FGF10: variants seen among roughly 807,000 people sequenced by gnomAD.
FGF10 encodes the protein FGF-10.
FGF10 carries 2 observed loss-of-function variants against 19.8 expected under a neutral mutation model. The ratio of observed to expected loss-of-function variants is 0.10; its 90% CI spans 0.04 to 0.32. The LOEUF (loss-of-function observed/expected upper bound fraction) is 0.32, where lower values mean the gene tolerates loss of function less well. Among genes scored for constraint, FGF10 ranks in the 10% least tolerant of loss-of-function variants. The probability of loss-of-function intolerance (pLI) is 1.00; values close to 1 mark genes in which losing one functional copy is unlikely to be tolerated. For synonymous variants in FGF10, 112 were observed against 94.0 expected (o/e 1.19, Z -1.10); for missense variants, 191 against 246.3 (o/e 0.78, Z 1.50).
At chr5:44,307,893 T>A (rs933086484) in intron 2 of FGF10, among the ~76,000 whole-genome samples, 1 of 152,246 alleles carries the variant, frequency 6.6e-6, no homozygotes, top group Non-Finnish European at 1.5e-5. Context: ...AGAATGAGTT[T>A]CTTTCTGAGA....
chr5:44,360,749 T>TAATTAATA (rs1319743365), intron 1 of FGF10, among the ~76,000 whole-genome samples: 1 of 151,690 alleles, frequency 6.6e-6, no homozygotes, highest in African/African-American at 2.4e-5. Context: ...TGCAAGGATG[T>TAATTAATA]AATTAATATT....
At chr5:44,331,530 A>G (rs576613081) in intron 1 of FGF10, among the ~76,000 whole-genome samples, 5 of 152,298 alleles carry the variant, frequency 3.3e-5, no homozygotes, top group South Asian at 2.1e-4. Flanking sequence ...CTAAAAAAGC[A>G]TTGACATTTA....
chr5:44,307,765 T>C (rs974968780), intron 2 of FGF10, among the ~76,000 whole-genome samples: 1 of 152,232 alleles, frequency 6.6e-6, no homozygotes, highest in African/African-American at 2.4e-5. Context: ...TTAGTTCTAT[T>C]CCACTCTGAG....
At chr5:44,352,983 T>C (rs1387796215) in intron 1 of FGF10, among the ~76,000 whole-genome samples, 1 of 151,636 alleles carries the variant, frequency 6.6e-6, no homozygotes, top group Non-Finnish European at 1.5e-5. Context: ...AGAAAATGTT[T>C]TGTAATTTAA....
At chr5:44,351,781 T>C (rs1345253572) in intron 1 of FGF10, among the ~76,000 whole-genome samples, 6 of 151,686 alleles carry the variant, frequency 4.0e-5, no homozygotes, top group Non-Finnish European at 1.5e-5. Flanking sequence ...ATGGAGTCAA[T>C]AGTTTATGAT....
intron 1 of FGF10, among the ~76,000 whole-genome samples, chr5:44,372,035 G>A (rs138700346): frequency 9.2e-5 from 14 of 152,198 alleles, no homozygotes; most frequent in African/African-American, 3.1e-4. Flanking sequence ...TTCTAGGGCC[G>A]ATATAACAAA....
At chr5:44,333,918 T>C (rs779019460) in intron 1 of FGF10, among the ~76,000 whole-genome samples, 64 of 152,024 alleles carry the variant, frequency 4.2e-4, no homozygotes, top group Non-Finnish European at 9.1e-4. Flanking sequence ...CTGAGACTTG[T>C]ATCTCTGTTT....
chr5:44,341,540 AT>A (rs1477783663), intron 1 of FGF10, among the ~76,000 whole-genome samples: 2 of 151,956 alleles, frequency 1.3e-5, no homozygotes, highest in Non-Finnish European at 2.9e-5. Context: ...TAGGTAAGTT[AT>A]TTTAGTCTAT....
intron 1 of FGF10, among the ~76,000 whole-genome samples, chr5:44,337,081 A>G (rs1266098246): frequency 6.6e-6 from 1 of 152,186 alleles, no homozygotes; most frequent in Non-Finnish European, 1.5e-5. Flanking sequence ...AACAAATTTT[A>G]ATCCCAAAAA....
At chr5:44,320,092 T>C (rs914235953) in intron 1 of FGF10, among the ~76,000 whole-genome samples, 2 of 152,190 alleles carry the variant, frequency 1.3e-5, no homozygotes, top group Non-Finnish European at 2.9e-5. Flanking sequence ...ATGCTTCTTA[T>C]GACAATCTAA....
rs528474446 is a variant in FGF10 at position 44,349,325 on chromosome 5, TC to T, written c.326-38796del. Among the ~76,000 whole-genome samples, 130 of 148,270 alleles carry T rather than the reference TC, an allele frequency of 8.8e-4. 1 individual carries two copies. In the South Asian group the frequency reaches 0.027, roughly 30 times the overall value. On this transcript the variant is annotated intron_variant, in intron 1 of 2. Transcript: ENST00000264664. ...ATTCATATGGAAAGCAATTTAGCTA[TC>T]TTTTTTTTACCACCACTTTACAAAT...
At chr5:44,344,386 G>C (rs1323651977) in intron 1 of FGF10, among the ~76,000 whole-genome samples, 1 of 151,488 alleles carries the variant, frequency 6.6e-6, no homozygotes. Context: ...TTGTTACTAG[G>C]GTACTATAAA....
chr5:44,335,643 G>A (rs1322121170), intron 1 of FGF10, among the ~76,000 whole-genome samples: 1 of 151,996 alleles, frequency 6.6e-6, no homozygotes, highest in African/African-American at 2.4e-5. Flanking sequence ...AGCTAATTAT[G>A]GAAAACACAT....
intron 1 of FGF10, among the ~76,000 whole-genome samples, chr5:44,355,614 C>T (rs1741328785): frequency 6.6e-6 from 1 of 151,112 alleles, no homozygotes; most frequent in Non-Finnish European, 1.5e-5. Context: ...ATTGTTAGTG[C>T]ACAGAAGGTA....
intron 1 of FGF10, among the ~76,000 whole-genome samples, chr5:44,365,317 T>C (rs1242458022): frequency 6.7e-6 from 1 of 148,946 alleles, no homozygotes; most frequent in African/African-American, 2.5e-5. Context: ...CATGTCTCTT[T>C]TCTGGTGGTC....
intron 1 of FGF10, among the ~76,000 whole-genome samples, chr5:44,322,480 C>A (rs1337636797): frequency 6.6e-6 from 1 of 152,110 alleles, no homozygotes; most frequent in Non-Finnish European, 1.5e-5. Flanking sequence ...ACTCAAAAGA[C>A]CCCAAACTGG....
At position 44,301,873 on chromosome 5, in the gene FGF10, C is replaced by T. The variant is rs997248077; in HGVS notation, c.*3122G>A. Among the ~76,000 whole-genome samples, 1 of 152,080 alleles carries T rather than the reference C, an allele frequency of 6.6e-6. No individual in the cohort carries two copies. The highest frequency in any genetic ancestry group is 6.6e-5 in the Admixed American group (1 of 15,242). The stretch of plus-strand genomic sequence containing the variant: ...CAATATTTTAATTTTCTTTTCCCAA[C>T]ATTTTTATTGTTTTTATTTAAATGT... On this transcript the variant is annotated 3_prime_UTR_variant, in exon 3 of 3. Transcript: ENST00000264664.
At chr5:44,353,451 C>T (rs1000286217) in intron 1 of FGF10, among the ~76,000 whole-genome samples, 1 of 151,516 alleles carries the variant, frequency 6.6e-6, no homozygotes, top group African/African-American at 2.4e-5. Flanking sequence ...ACTAAACCCT[C>T]ATTATTTAGC....
intron 1 of FGF10, among the ~76,000 whole-genome samples, chr5:44,357,085 A>G (rs1579929748): frequency 6.7e-6 from 1 of 149,066 alleles, no homozygotes; most frequent in Non-Finnish European, 1.5e-5. Flanking sequence ...CATTTAGATC[A>G]CCGACACTAC....
Sources: allele counts gnomAD v4.1 joint callset (sites outside exome capture counted in the v4.1 genomes callset), GRCh38; gene constraint gnomAD v4.1.1; transcripts MANE v1.5; gene names NCBI Gene and HGNC (gene_info 2026-07-23, HGNC 2026-07-21).